The following CPLX2 variants were observed in gnomAD, a reference collection of about 807,000 sequenced individuals.
CPLX2 encodes the protein complexin 2.
Under a neutral mutation model 16.3 loss-of-function variants are expected in CPLX2, and 5 were observed. The ratio of observed to expected loss-of-function variants is 0.31; its 90% CI spans 0.16 to 0.64. The LOEUF (loss-of-function observed/expected upper bound fraction) is 0.64, where lower values mean the gene tolerates loss of function less well. CPLX2 is among the 30% of genes least tolerant of loss of function. The pLI is 0.79. For synonymous variants in CPLX2, 89 were observed against 73.2 expected (o/e 1.22, Z -1.10); for missense variants, 144 against 181.4 (o/e 0.79, Z 1.18).
chr5:175,860,427 A>C (rs192686010), intron 2 of CPLX2, among the ~76,000 whole-genome samples: 372 of 149,728 alleles, frequency 2.5e-3, no homozygotes, highest in African/African-American at 8.5e-3. Context: ...AAAGGAAGGA[A>C]GGAAGGAAGA....
At chr5:175,844,443 T>C (rs556426958) in intron 2 of CPLX2, among the ~76,000 whole-genome samples, 1 of 152,330 alleles carries the variant, frequency 6.6e-6, no homozygotes, top group East Asian at 1.9e-4. Flanking sequence ...AAGAGCCTGC[T>C]CTCTTGAGGC....
intron 2 of CPLX2, among the ~76,000 whole-genome samples, chr5:175,854,009 T>C (rs1759205263): frequency 6.6e-6 from 1 of 152,178 alleles, no homozygotes; most frequent in Non-Finnish European, 1.5e-5. Flanking sequence ...AAGCCTGGCA[T>C]CAGCCTGGGA....
chr5:175,879,197 C>T, intron 3 of CPLX2, 114 bp downstream of exon 3: 1 of 1,111,320 alleles, frequency 9.0e-7, no homozygotes, highest in Non-Finnish European at 1.3e-6. Flanking sequence ...CGCCCTAGTT[C>T]TGAGCCTCAC....
chr5:175,857,551 A>G (rs6882338), intron 2 of CPLX2, among the ~76,000 whole-genome samples: 9,172 of 152,300 alleles, frequency 0.06, 950 homozygotes, highest in African/African-American at 0.21. Flanking sequence ...ACGTTAGCCC[A>G]GTTGTGCAAA....
intron 2 of CPLX2, among the ~76,000 whole-genome samples, chr5:175,846,148 G>C (rs1759039180): frequency 6.6e-6 from 1 of 152,052 alleles, no homozygotes; most frequent in Admixed American, 6.5e-5. Flanking sequence ...CCCCTGCCTG[G>C]CCAAGTCCTC....
At chr5:175,805,077 C>T (rs566067127) in intron 1 of CPLX2, among the ~76,000 whole-genome samples, 50 of 152,300 alleles carry the variant, frequency 3.3e-4, no homozygotes, top group Non-Finnish European at 5.3e-4. Flanking sequence ...AGTAAGCATT[C>T]GGTAAACTCT....
In CPLX2 at chr5:175,854,272, G is replaced by A. The variant is rs199569146; in HGVS notation, c.-88-24380G>A. ...TTTGACCAGGGACAGCCAGGCCTTCGTTTGCTGGATCAATCTTAAAGCTCC... is the reference window on the plus strand; with the variant it reads ...TTTGACCAGGGACAGCCAGGCCTTCATTTGCTGGATCAATCTTAAAGCTCC... On this transcript the variant is annotated intron_variant, in intron 2 of 4. Coordinates refer to the CPLX2 transcript ENST00000359546. Among the ~76,000 whole-genome samples, 5 of 152,212 alleles carry A rather than the reference G, an allele frequency of 3.3e-5. No individual in the cohort carries two copies. In the East Asian group the frequency reaches 9.6e-4, roughly 29 times the overall value.
intron 2 of CPLX2, chr5:175,837,965 A>G (rs1758867971): frequency 6.6e-6 from 1 of 152,210 alleles, no homozygotes; most frequent in African/African-American, 2.4e-5. Context: ...AAGCAAGGTA[A>G]TTACAGCTCG....
At chr5:175,842,616 C>A (rs1561780804) in intron 2 of CPLX2, among the ~76,000 whole-genome samples, 1 of 152,358 alleles carries the variant, frequency 6.6e-6, no homozygotes, top group East Asian at 1.9e-4. Flanking sequence ...GGCCATGGGG[C>A]CTGCACTCCA....
Position 175,882,791 on chromosome 5 carries a change from G to A in CPLX2, c.*2746G>A, listed in dbSNP as rs1755651453. On this transcript the variant is annotated 3_prime_UTR_variant, in exon 4 of 4. Transcript: ENST00000393745. Reference sequence around the variant, plus strand: ...CAAGTGATCACTCTTAGGCCCAGGGGAACACAATGACTATCATTACTGATG... The same window carrying A: ...CAAGTGATCACTCTTAGGCCCAGGGAAACACAATGACTATCATTACTGATG... 6.6e-6 allele frequency: 1 copy of A among 152,668 alleles called. No homozygotes were observed. The highest frequency in any genetic ancestry group is 2.4e-5 in the African/African-American group (1 of 41,468). 9.5% of individuals were successfully genotyped at this position (152,668 alleles called of 1,614,324 possible). A position where few individuals can be genotyped will look rare whatever the true frequency, so the allele number is the denominator to read the frequency against.
At chr5:175,839,329 AG>A (rs1186041655) in intron 2 of CPLX2, among the ~76,000 whole-genome samples, 4 of 152,098 alleles carry the variant, frequency 2.6e-5, no homozygotes, top group African/African-American at 9.7e-5. Flanking sequence ...TCTGTCACCC[AG>A]GCTAGAGTAC....
chr5:175,869,545 C>T (rs1217931856), upstream of CPLX2, among the ~76,000 whole-genome samples: 2 of 152,180 alleles, frequency 1.3e-5, no homozygotes, highest in African/African-American at 2.4e-5. Flanking sequence ...ACTACTCTTC[C>T]GCTACAACAG....
chr5:175,847,809 C>T (rs911453227), intron 2 of CPLX2, among the ~76,000 whole-genome samples: 2 of 152,216 alleles, frequency 1.3e-5, no homozygotes, highest in African/African-American at 4.8e-5. Flanking sequence ...GGCAGAGGCA[C>T]CAAGAGACAC....
chr5:175,819,755 A>G (rs1758473015), intron 2 of CPLX2, among the ~76,000 whole-genome samples: 1 of 152,196 alleles, frequency 6.6e-6, no homozygotes, highest in African/African-American at 2.4e-5. Context: ...CTCACAGGTC[A>G]AAAGTGTTAT....
intron 1 of CPLX2, among the ~76,000 whole-genome samples, chr5:175,876,391 C>T (rs758584303): frequency 4.0e-5 from 6 of 151,646 alleles, no homozygotes; most frequent in Non-Finnish European, 8.8e-5. Flanking sequence ...GGGCTGAGGT[C>T]AGAGTTATGG....
At chr5:175,804,576 C>T (rs750999780) in intron 1 of CPLX2, among the ~76,000 whole-genome samples, 2 of 152,206 alleles carry the variant, frequency 1.3e-5, no homozygotes, top group African/African-American at 4.8e-5. Flanking sequence ...TTAAAGTCCT[C>T]TAGCGCCTGG....
intron 2 of CPLX2, among the ~76,000 whole-genome samples, chr5:175,847,043 G>T (rs1028852988): frequency 1.3e-5 from 2 of 152,200 alleles, no homozygotes; most frequent in African/African-American, 2.4e-5. Flanking sequence ...GAATCAACAA[G>T]GTGGTGGCAC....
rs1758705954 is a variant in CPLX2, at chr5:175,830,154, T to A, written c.-89+21086T>A. Among the ~76,000 whole-genome samples, 1 of 152,120 alleles carries A rather than the reference T, an allele frequency of 6.6e-6. No homozygotes were observed. The highest frequency in any genetic ancestry group is 2.1e-4 in the South Asian group (1 of 4,826). Reference sequence around the variant, plus strand: ...AAGCAGTGAGAGCTGGAAGGGCACATGAAGGGCAGTGTGGGCAGAGGGACA... The same window carrying A: ...AAGCAGTGAGAGCTGGAAGGGCACAAGAAGGGCAGTGTGGGCAGAGGGACA... On this transcript the variant is annotated intron_variant, in intron 2 of 4. Transcript: ENST00000359546. This position sits in a 1 kb window ranked among gnomAD's most constrained non-coding sequence, Gnocchi z 4.0.
intron 1 of CPLX2, among the ~76,000 whole-genome samples, chr5:175,876,382 G>A (rs1462739331): frequency 1.3e-5 from 2 of 152,134 alleles, no homozygotes; most frequent in African/African-American, 4.8e-5. Context: ...AAGAGGCAGG[G>A]GCTGAGGTCA....
Sources: allele counts gnomAD v4.1 joint callset (sites outside exome capture counted in the v4.1 genomes callset), GRCh38; gene constraint gnomAD v4.1.1; non-coding constraint Gnocchi (gnomAD v3.1); transcripts MANE v1.5; gene names NCBI Gene and HGNC (gene_info 2026-07-23, HGNC 2026-07-21).